The following GARNL3 variants were observed in gnomAD, a reference collection of about 807,000 sequenced individuals.
The protein encoded by GARNL3 is GTPase activating Rap/RanGAP domain like 3.
Under a neutral mutation model 125.0 loss-of-function variants are expected in GARNL3, and 63 were observed. That is an observed-to-expected ratio of 0.50 (90% CI 0.41 to 0.62). The LOEUF (loss-of-function observed/expected upper bound fraction) is 0.62, where lower values mean the gene tolerates loss of function less well. Ranked by LOEUF, GARNL3 falls within the 20% of genes least tolerant of loss-of-function variation. GARNL3 has a pLI of 0.00. For synonymous variants in GARNL3, 439 were observed against 457.5 expected (o/e 0.96, Z 0.52); for missense variants, 994 against 1,244.0 (o/e 0.80, Z 3.02).
intron 7 of GARNL3, among the ~76,000 whole-genome samples, chr9:127,330,113 G>A (rs189579085): frequency 6.6e-6 from 1 of 152,186 alleles, no homozygotes; most frequent in Non-Finnish European, 1.5e-5. Context: ...AAAACTCCTG[G>A]GGTGGAACCC....
intron 21 of GARNL3, chr9:127,362,301 A>G (rs1831052733): frequency 6.6e-6 from 1 of 151,070 alleles, no homozygotes; most frequent in South Asian, 2.1e-4. Flanking sequence ...CTTGTCCTGA[A>G]CTCCTGACTT....
chr9:127,300,253 G>T, intron 2 of GARNL3: 1 of 273,906 alleles, frequency 3.7e-6, no homozygotes, highest in Non-Finnish European at 7.5e-6. Flanking sequence ...AAATCTTTGT[G>T]CTTTTTTAAG....
intron 2 of GARNL3, among the ~76,000 whole-genome samples, chr9:127,291,540 C>T (rs1226892510): frequency 7.9e-5 from 12 of 152,174 alleles, no homozygotes; most frequent in African/African-American, 2.9e-4. Context: ...ACTTCCTCTG[C>T]CAGGCTGATC....
intron 2 of GARNL3, among the ~76,000 whole-genome samples, chr9:127,302,967 T>C (rs924309738): frequency 1.3e-5 from 2 of 152,000 alleles, no homozygotes; most frequent in African/African-American, 4.8e-5. Flanking sequence ...CTGGCTAACA[T>C]GGTGAAACCC....
At chr9:127,380,156 G>A (rs187266857) in intron 22 of GARNL3, among the ~76,000 whole-genome samples, 172 of 151,818 alleles carry the variant, frequency 1.1e-3, no homozygotes, top group Non-Finnish European at 2.1e-3. Context: ...TCGCGCCACC[G>A]CACTCCAGCC....
intron 22 of GARNL3, 57 bp downstream of exon 22, chr9:127,365,423 T>C: frequency 7.7e-7 from 1 of 1,299,386 alleles, no homozygotes; most frequent in Non-Finnish European, 1.1e-6. Flanking sequence ...TTTTTTTTTT[T>C]CTGGGCAATT....
intron 1 of GARNL3, among the ~76,000 whole-genome samples, chr9:127,278,969 C>A (rs146182171): frequency 2.8e-4 from 43 of 152,264 alleles, no homozygotes; most frequent in African/African-American, 1.0e-3. Flanking sequence ...GGATTTAAGT[C>A]CTACCTGAAT....
chr9:127,346,575 A>G (rs1830150094), intron 16 of GARNL3, among the ~76,000 whole-genome samples: 1 of 152,204 alleles, frequency 6.6e-6, no homozygotes, highest in Non-Finnish European at 1.5e-5. Flanking sequence ...TTTAATAATG[A>G]TAAGAAGTTT....
chr9:127,235,233 C>T (rs1264572071), intron 1 of GARNL3, among the ~76,000 whole-genome samples: 2 of 151,440 alleles, frequency 1.3e-5, no homozygotes, highest in East Asian at 1.9e-4. Flanking sequence ...TATAGCACAT[C>T]TCACTTCAGG....
At chr9:127,302,625 A>C (rs1263379268) in intron 2 of GARNL3, among the ~76,000 whole-genome samples, 1 of 152,218 alleles carries the variant, frequency 6.6e-6, no homozygotes, top group Non-Finnish European at 1.5e-5. Flanking sequence ...AAGATGCGAG[A>C]AAATTTCTGA....
intron 4 of GARNL3, among the ~76,000 whole-genome samples, chr9:127,316,994 A>G (rs901131637): frequency 4.6e-5 from 7 of 152,212 alleles, no homozygotes; most frequent in Admixed American, 4.6e-4. Context: ...TTACTAATCA[A>G]AGTCAGGAAG....
At chr9:127,344,213 A>C (rs780487777) in intron 14 of GARNL3, 22 bp from the exon 15 acceptor site, 2 of 1,526,118 alleles carry the variant, frequency 1.3e-6, no homozygotes, top group African/African-American at 2.8e-5. Context: ...TGTGGAATTC[A>C]TAACTTGTTT....
chr9:127,388,315 CAAA>C (rs11336441), intron 25 of GARNL3: 57 of 124,984 alleles, frequency 4.6e-4, no homozygotes, highest in Non-Finnish European at 5.1e-4. Flanking sequence ...GACCTTGTCT[CAAA>C]AAAAAAAAAA....
intron 1 of GARNL3, among the ~76,000 whole-genome samples, chr9:127,288,089 T>G (rs1019358329): frequency 1.3e-5 from 2 of 152,188 alleles, no homozygotes; most frequent in African/African-American, 4.8e-5. Flanking sequence ...GTTGCTGTCT[T>G]TTGAAGTTTG....
At chr9:127,323,976 G>A (rs1588855895) in intron 6 of GARNL3, among the ~76,000 whole-genome samples, 1 of 152,242 alleles carries the variant, frequency 6.6e-6, no homozygotes, top group South Asian at 2.1e-4. Context: ...ACAGCCAGGC[G>A]TGGTGGCTCA....
intron 1 of GARNL3, among the ~76,000 whole-genome samples, chr9:127,231,264 G>A (rs2063014086): frequency 7.9e-6 from 1 of 126,474 alleles, no homozygotes; most frequent in Non-Finnish European, 1.6e-5. Context: ...AGTAGAGACA[G>A]GGTTTCACTG....
chr9:127,274,450 TCAAAACC>T (rs2063902267), intron 1 of GARNL3, among the ~76,000 whole-genome samples: 1 of 152,144 alleles, frequency 6.6e-6, no homozygotes, highest in African/African-American at 2.4e-5. Context: ...CTCTCTAGTT[TCAAAACC>T]AGAGTTACAG....
rs550205294 is a variant in GARNL3, at chr9:127,225,323, G to A, written c.-29+985G>A. The A allele has an allele frequency of 2.1e-4, 211 of 984,180 alleles. 3 individuals carry two copies. In the Admixed American group the frequency reaches 0.011, roughly 52 times the overall value. 61.0% of individuals were successfully genotyped at this position (984,180 alleles called of 1,614,324 possible). On this transcript the variant is annotated intron_variant, in intron 1 of 10. Transcript: ENST00000439286. Reference sequence around the variant, plus strand: ...CCCCGCCCGGGGCGATGGAACCGGAGCCCGGCGGGGTGGCCGCTGCGCTCC... The same window carrying A: ...CCCCGCCCGGGGCGATGGAACCGGAACCCGGCGGGGTGGCCGCTGCGCTCC...
chr9:127,339,812 A>T, intron 13 of GARNL3, 61 bp downstream of exon 13: 1 of 1,005,686 alleles, frequency 9.9e-7, no homozygotes, highest in Middle Eastern at 2.0e-4. Flanking sequence ...ATTTCTTCAG[A>T]TTCTCCCAGA....
Sources: allele counts gnomAD v4.1 joint callset (sites outside exome capture counted in the v4.1 genomes callset), GRCh38; gene constraint gnomAD v4.1.1; transcripts MANE v1.5; gene names NCBI Gene and HGNC (gene_info 2026-07-23, HGNC 2026-07-21).